Variants in TTC31 observed in about 807,000 individuals in gnomAD.
The protein encoded by TTC31 is tetratricopeptide repeat domain 31.
In TTC31, 59 loss-of-function variants were observed where a neutral mutation model predicts 60.4. The observed-to-expected ratio is 0.98, with a 90% CI of 0.79 to 1.21. The LOEUF (loss-of-function observed/expected upper bound fraction) is 1.21. Among genes scored for constraint, TTC31 ranks in the 50% most tolerant of loss-of-function variants. The probability of loss-of-function intolerance (pLI) is 0.00; values close to 1 mark genes in which losing one functional copy is unlikely to be tolerated. For missense variants in TTC31, 672 were observed against 646.9 expected (o/e 1.04, Z -0.42); for synonymous variants, 225 against 249.6 (o/e 0.90, Z 0.93).
Position 74,490,473 on chromosome 2 carries a change from G to C in TTC31, c.462G>C (p.Glu154Asp), listed in dbSNP as rs1461734940. ...CCCAGAAGCTCCTGGTGACAGAAGA[G>C]GTGAGATTCTCAGGAGAGGGCTTTG... ...AMPQKLLVTE[E>D]EANRLAEELV... The change falls in exon 4 of 13, where the codon GAG (glutamate) becomes GAC (aspartate). Residue 154 changes from glutamate (E) to aspartate (D), a missense_variant and splice_region_variant. Physicochemically the swap from Glu to Asp is conservative, Grantham distance 45. Coordinates refer to ENST00000233623, the MANE Select transcript of TTC31 (RefSeq NM_022492.6). 1.2e-6 allele frequency: 2 copies of C among 1,604,022 alleles called. No individual in the cohort carries two copies. Among genetic ancestry groups the C allele is most frequent in the Admixed American group, 3.4e-5 (2 of 58,264 alleles).
intron 2 of TTC31, chr2:74,483,782 G>A (rs1217769040): frequency 2.9e-6 from 1 of 348,264 alleles, no homozygotes; most frequent in Non-Finnish European, 5.1e-6. Flanking sequence ...TTAGAGACCA[G>A]CCTGGGCAAC....
intron 2 of TTC31, chr2:74,483,631 A>T: frequency 7.1e-7 from 1 of 1,403,360 alleles, no homozygotes; most frequent in Non-Finnish European, 9.3e-7. Context: ...GGTAGAATTG[A>T]GCAGACAAGG....
intron 4 of TTC31, 84 bp from the exon 5 acceptor site, chr2:74,490,572 C>G: frequency 6.5e-7 from 1 of 1,545,422 alleles, no homozygotes; most frequent in South Asian, 1.2e-5. Flanking sequence ...TTTCAAGATC[C>G]TTCTATACTG....
At chr2:74,483,735 G>T in intron 2 of TTC31, 1 of 608,078 alleles carries the variant, frequency 1.6e-6, no homozygotes, top group Non-Finnish European at 2.4e-6. Flanking sequence ...TCAACACTTT[G>T]GGAGGCTGAG....
intron 1 of TTC31, 56 bp from the exon 2 acceptor site, chr2:74,483,266 A>C (rs1334301747): frequency 2.5e-6 from 4 of 1,612,070 alleles, no homozygotes; most frequent in Non-Finnish European, 3.4e-6. Context: ...AGTGGGGAGG[A>C]CTCTAGCCCA....
rs1367477925 is a variant in TTC31 at position 74,493,193 on chromosome 2, T to C, written c.1535T>C (p.Leu512Pro). The change falls in exon 13 of 13, where the codon CTC becomes CCC. Residue 512 changes from leucine (L) to proline (P), a missense_variant. By Grantham distance (98) the Leu-to-Pro change is moderately conservative. Coordinates refer to ENST00000233623, the MANE Select transcript of TTC31 (RefSeq NM_022492.6). The stretch of plus-strand genomic sequence containing the variant: ...GGCTGGGACATCCTGGGACTTGGGC[T>C]CCAGCATCTGTCTCAGGCCAGATGA... ...SKGWDILGLG[L>P]QHLSQAR 1 of 1,614,126 alleles carries C rather than the reference T, an allele frequency of 6.2e-7. No homozygotes were observed.
Position 74,492,972 on chromosome 2 carries a change from C to T in TTC31, c.1314C>T (p.Leu438=). 6.2e-7 allele frequency: 1 copy of T among 1,613,746 alleles called. No homozygotes were observed. The highest frequency in any genetic ancestry group is 1.3e-5 in the African/African-American group (1 of 75,038). ...ICAPPLSPGA[L]QPLPHAELAP... is the part of the protein sequence containing the mutation. ...CACCACCTCTGTCACCTGGGGCCCT[C>T]CAGCCACTTCCCCATGCTGAGCTGG... The change falls in exon 13 of 13, where the codon CTC becomes CTT. Residue 438 remains leucine (L), a synonymous_variant. Coordinates refer to ENST00000233623, the MANE Select transcript of TTC31 (RefSeq NM_022492.6).
At chr2:74,490,151 C>A in intron 3 of TTC31, 24 bp downstream of exon 3, 1 of 1,608,800 alleles carries the variant, frequency 6.2e-7, no homozygotes, top group East Asian at 2.2e-5. Context: ...GGACCGGGCC[C>A]AGGGATCGAG....
intron 2 of TTC31, among the ~76,000 whole-genome samples, chr2:74,488,895 C>G (rs570980239): frequency 6.6e-6 from 1 of 152,284 alleles, no homozygotes; most frequent in East Asian, 1.9e-4. Context: ...GAAACCGCCT[C>G]TCTACTAAAA....
Position 74,493,083 on chromosome 2 carries a change from A to G in TTC31, c.1425A>G (p.Ser475=), listed in dbSNP as rs1465312871. 4 of 1,613,762 alleles carry G rather than the reference A, an allele frequency of 2.5e-6. No homozygotes were observed. Among genetic ancestry groups the G allele is most frequent in the Non-Finnish European group, 3.4e-6 (4 of 1,179,964 alleles). The stretch of plus-strand genomic sequence containing the variant: ...TGTCTCCACTCTTGCATTATCCTTC[A>G]TGTCACCGAAGCCACCCCAACCAGC... ...PGLSPLLHYP[S]CHRSHPNQPL... is the part of the protein sequence containing the mutation. The change falls in exon 13 of 13, where the codon TCA becomes TCG. Residue 475 remains serine, a synonymous_variant. Transcript: ENST00000233623.
chr2:74,493,815 G>C lies in TTC31; in HGVS notation c.*597G>C, dbSNP rs1194455212. Reference sequence around the variant, plus strand: ...TCTCACTGCTAGAATATTCACCAAGGGTTTGCATTTGGGAAGTCCCTTACC... The same window carrying C: ...TCTCACTGCTAGAATATTCACCAAGCGTTTGCATTTGGGAAGTCCCTTACC... On this transcript the variant is annotated 3_prime_UTR_variant, in exon 13 of 13. Transcript: ENST00000233623. 6.6e-6 allele frequency: 1 copy of C among 152,356 alleles called. No individual in the cohort carries two copies. Among genetic ancestry groups the C allele is most frequent in the Non-Finnish European group, 1.5e-5 (1 of 68,216 alleles). The allele number at this position is 152,356 out of a possible 1,614,324, so 9.4% of individuals were successfully genotyped here. A position where few individuals can be genotyped will look rare whatever the true frequency, so the allele number is the denominator to read the frequency against.
rs1454822148 is a variant in TTC31, at chr2:74,483,089, A to G, written c.-7A>G. 6.2e-7 allele frequency: 1 copy of G among 1,614,218 alleles called. No individual in the cohort carries two copies. The highest frequency in any genetic ancestry group is 2.2e-5 in the East Asian group (1 of 44,890). Reference sequence around the variant, plus strand: ...CTACCTTTCATTTCCGGGTCACTGTAGATGCGATGGCGCCGATTCCAAAGA... The same window carrying G: ...CTACCTTTCATTTCCGGGTCACTGTGGATGCGATGGCGCCGATTCCAAAGA... On this transcript the variant is annotated 5_prime_UTR_variant, in exon 1 of 13. Coordinates refer to ENST00000233623, the MANE Select transcript of TTC31 (RefSeq NM_022492.6).
In TTC31 at chr2:74,483,339, A is replaced by C; in HGVS notation, c.58A>C (p.Ser20Arg). The C allele has an allele frequency of 6.2e-7, 1 of 1,614,160 alleles. No homozygotes were observed. Among genetic ancestry groups the C allele is most frequent in the Non-Finnish European group, 8.5e-7 (1 of 1,180,042 alleles). Residue 20 changes from serine (S) to arginine (R), a missense_variant, in exon 2 of 13, where the codon AGC (serine) becomes CGC (arginine). Coordinates refer to ENST00000233623, the MANE Select transcript of TTC31 (RefSeq NM_022492.6). Reference protein sequence around the residue: ...RIKLDCSLRPSCPLEVAAAPK... With the variant: ...RIKLDCSLRPRCPLEVAAAPK... ...TCCTGTAGACTGCTCTCTACGGCCC[A>C]GCTGCCCACTGGAGGTCGCTGCTGC...
chr2:74,489,760 C>T (rs1673590902), intron 2 of TTC31, among the ~76,000 whole-genome samples: 2 of 152,026 alleles, frequency 1.3e-5, no homozygotes, highest in Admixed American at 1.3e-4. Flanking sequence ...GAGAGAAGAT[C>T]CTGGATGGTA....
In TTC31 at chr2:74,492,177, G is replaced by A. The variant is rs752292462; in HGVS notation, c.967G>A (p.Glu323Lys). 3.7e-6 allele frequency: 6 copies of A among 1,614,236 alleles called. No individual in the cohort carries two copies. Among genetic ancestry groups the A allele is most frequent in the South Asian group, 2.2e-5 (2 of 91,088 alleles). The change falls in exon 10 of 13, where the codon GAG becomes AAG. Residue 323 changes from glutamate to lysine, a missense_variant. By Grantham distance (56) the Glu-to-Lys change is moderately conservative. Transcript: ENST00000233623. Reference sequence around the variant, plus strand: ...CTTTGCTCAAAATGGTTTCTACCATGAGGCCGTGGTCCTCTTCACCCAGGC... The same window carrying A: ...CTTTGCTCAAAATGGTTTCTACCATAAGGCCGTGGTCCTCTTCACCCAGGC... ...TSFAQNGFYH[E>K]AVVLFTQALK...
Position 74,487,253 on chromosome 2 carries a change from C to G in TTC31, c.130-2772C>G, listed in dbSNP as rs969692902. The stretch of plus-strand genomic sequence containing the variant: ...TGTTTTTTTGAGACGTAGTCTCGCT[C>G]TGTTGCCCAGGCTGGAGTGCAGTGG... On this transcript the variant is annotated intron_variant, in intron 2 of 12. Coordinates refer to ENST00000233623, the MANE Select transcript of TTC31 (RefSeq NM_022492.6). 3.7e-4 allele frequency among the ~76,000 whole-genome samples: 57 copies of G among 152,200 alleles called. 1 individual carries two copies. Among genetic ancestry groups the G allele is most frequent in the Non-Finnish European group, 1.2e-4 (8 of 68,042 alleles).
At chr2:74,489,358 G>A (rs1211893730) in intron 2 of TTC31, among the ~76,000 whole-genome samples, 4 of 152,210 alleles carry the variant, frequency 2.6e-5, no homozygotes, top group Non-Finnish European at 5.9e-5. Context: ...AAGGCCCCAA[G>A]GCTGGAGGGA....
At position 74,492,384 on chromosome 2, in the gene TTC31, C is replaced by T. The variant is rs1391213846; in HGVS notation, c.1100C>T (p.Thr367Ile). Reference sequence around the variant, plus strand: ...CTGGCTGATGCCCAGGTGGCCCTTACCCTACGGCCTGGCTGGCCCCGGGGC... The same window carrying T: ...CTGGCTGATGCCCAGGTGGCCCTTATCCTACGGCCTGGCTGGCCCCGGGGC... ...WALADAQVAL[T>I]LRPGWPRGLF... The change falls in exon 11 of 13, where the codon ACC becomes ATC. Residue 367 changes from threonine to isoleucine, a missense_variant. Physicochemically the swap from Thr to Ile is moderately conservative, Grantham distance 89. Transcript: ENST00000233623. The T allele has an allele frequency of 9.8e-6, 15 of 1,534,560 alleles. No homozygotes were observed. The highest frequency in any genetic ancestry group is 1.4e-5 in the African/African-American group (1 of 72,314).
At chr2:74,488,060 G>C (rs919876394) in intron 2 of TTC31, among the ~76,000 whole-genome samples, 11 of 152,110 alleles carry the variant, frequency 7.2e-5, no homozygotes, top group African/African-American at 2.7e-4. Context: ...CTGCAGCCTT[G>C]AACTCCTGGG....
Sources: gnomAD v4.1 joint callset for allele counts (sites outside exome capture counted in the v4.1 genomes callset) on GRCh38, gnomAD v4.1.1 for gene constraint, MANE v1.5 for transcripts, NCBI Gene and HGNC (gene_info 2026-07-23, HGNC 2026-07-21) for gene names.